Variants in USP54 observed in about 807,000 individuals in gnomAD.
USP54 encodes the protein ubiquitin specific peptidase 54, also known as ubiquitin carboxyl-terminal hydrolase 54.
A neutral mutation model predicts 170.5 loss-of-function variants in USP54; 87 were observed. The observed-to-expected ratio is 0.51, with a 90% CI of 0.43 to 0.61. The LOEUF is 0.61. USP54 is among the 20% of genes least tolerant of loss of function. The pLI, the probability that USP54 is intolerant of heterozygous loss-of-function variation, is 0.00. For synonymous variants in USP54, 655 were observed against 742.8 expected, an observed-to-expected ratio of 0.88 and a Z score of 1.92; for missense variants, 1,786 against 2,047.8, an observed-to-expected ratio of 0.87 and a Z score of 2.47.
chr10:73,536,397 T>C lies in USP54; in HGVS notation c.1016A>G (p.Lys339Arg). ...KWKDVVTKCIKGHYQPLLLLY... is the reference protein window; with the variant it reads ...KWKDVVTKCIRGHYQPLLLLY... Reference sequence around the variant, plus strand: ...CAGCAGCAGGGGCTGATAATGCCCCTTGATGCATTTGGTCACCACATCCTT... The same window carrying C: ...CAGCAGCAGGGGCTGATAATGCCCCCTGATGCATTTGGTCACCACATCCTT... The change falls in exon 11 of 24, where the codon AAG (lysine) becomes AGG (arginine). Residue 339 changes from lysine to arginine, a missense_variant. By Grantham distance (26) the Lys-to-Arg change is conservative (BLOSUM62 2). Coordinates refer to ENST00000687698, the MANE Select transcript of USP54 (RefSeq NM_001391956.1). 2 of 1,588,112 alleles carry C rather than the reference T, an allele frequency of 1.3e-6. No individual in the cohort carries two copies. The highest frequency in any genetic ancestry group is 1.2e-5 in the South Asian group (1 of 86,404).
chr10:73,619,634 G>A (rs1406198474), intron 1 of USP54, among the ~76,000 whole-genome samples: 1 of 150,436 alleles, frequency 6.6e-6, no homozygotes, highest in East Asian at 1.9e-4. Context: ...TTATAACGCA[G>A]TTGTATTCCT....
At chr10:73,589,266 C>A (rs541817698) in intron 1 of USP54, among the ~76,000 whole-genome samples, 16 of 152,296 alleles carry the variant, frequency 1.1e-4, no homozygotes, top group African/African-American at 3.8e-4. Flanking sequence ...GAATCTCCTG[C>A]CAAAATCATA....
intron 4 of USP54, among the ~76,000 whole-genome samples, chr10:73,567,431 G>A (rs2074100282): frequency 6.6e-6 from 1 of 152,128 alleles, no homozygotes; most frequent in Non-Finnish European, 1.5e-5. Context: ...AGCACTTTGG[G>A]AGGCCAAGGA....
At chr10:73,527,997 G>A (rs945503695) in intron 15 of USP54, among the ~76,000 whole-genome samples, 18 of 152,050 alleles carry the variant, frequency 1.2e-4, no homozygotes, top group Admixed American at 4.6e-4. Context: ...GTGCAGTGAC[G>A]TGATCTTGGC....
intron 15 of USP54, 110 bp downstream of exon 15, chr10:73,529,570 A>G (rs138710309): frequency 2.5e-6 from 3 of 1,212,174 alleles, no homozygotes; most frequent in Non-Finnish European, 3.7e-6. Context: ...GCACATAGAG[A>G]TAATAGCAAA....
intron 7 of USP54, chr10:73,542,006 GAAC>G (rs1343175548): frequency 2.3e-6 from 1 of 438,056 alleles, no homozygotes; most frequent in Non-Finnish European, 4.1e-6. Flanking sequence ...GAAAGAAGGA[GAAC>G]AAAAATTATT....
intron 4 of USP54, among the ~76,000 whole-genome samples, chr10:73,559,727 C>CAA (rs376045597): frequency 1.9e-3 from 222 of 117,666 alleles, no homozygotes; most frequent in Non-Finnish European, 3.1e-3. Context: ...GACTCCATCT[C>CAA]AAAAAAAAAA....
intron 1 of USP54, among the ~76,000 whole-genome samples, chr10:73,604,978 A>T (rs2079503579): frequency 6.6e-6 from 1 of 152,142 alleles, no homozygotes; most frequent in African/African-American, 2.4e-5. Flanking sequence ...CGTCCTGCTG[A>T]TCGGTCCATT....
chr10:73,574,437 T>C (rs898858196), intron 3 of USP54, among the ~76,000 whole-genome samples: 3 of 152,118 alleles, frequency 2.0e-5, no homozygotes, highest in African/African-American at 7.2e-5. Context: ...GTGGAAAGAA[T>C]TTTGCTTCTA....
rs1328500219 is a variant in USP54, at chr10:73,536,387, A to G, written c.1026T>C (p.Tyr342=). 1 of 1,602,226 alleles carries G rather than the reference A, an allele frequency of 6.2e-7. No individual in the cohort carries two copies. Among genetic ancestry groups the G allele is most frequent in the African/African-American group, 1.3e-5 (1 of 74,572 alleles). The part of the protein sequence containing the change: ...DVVTKCIKGH[Y]QPLLLLYADP... ...CTGCATAAAGCAGCAGCAGGGGCTG[A>G]TAATGCCCCTTGATGCATTTGGTCA... Residue 342 remains tyrosine, a synonymous_variant, in exon 11 of 24, where the codon TAT becomes TAC. Coordinates refer to ENST00000687698, the MANE Select transcript of USP54 (RefSeq NM_001391956.1).
At chr10:73,620,089 G>C (rs1033277005) in intron 1 of USP54, among the ~76,000 whole-genome samples, 1 of 150,002 alleles carries the variant, frequency 6.7e-6, no homozygotes, top group Non-Finnish European at 1.5e-5. Flanking sequence ...AAGGTGGGCA[G>C]ATCACTTGAG....
chr10:73,577,685 C>G (rs756926206), intron 1 of USP54, among the ~76,000 whole-genome samples: 13 of 152,278 alleles, frequency 8.5e-5, no homozygotes, highest in Middle Eastern at 3.4e-3. Flanking sequence ...TGGTAAGTGG[C>G]AGATCTAGAA....
chr10:73,525,638 T>C (rs997261330), intron 16 of USP54, among the ~76,000 whole-genome samples: 12 of 152,188 alleles, frequency 7.9e-5, no homozygotes, highest in African/African-American at 2.9e-4. Flanking sequence ...TAAATTAAAA[T>C]GTGGGGAATA....
Position 73,500,645 on chromosome 10 carries a change from G to A in USP54, c.4495+10C>T. ...ATTCTGGCATATAATATTAGATTTG[G>A]GGGAGTTACCTGGGAGTCTATTGGG... On this transcript the variant is annotated intron_variant, in intron 23 of 23. Coordinates refer to ENST00000687698, the MANE Select transcript of USP54 (RefSeq NM_001391956.1). 6.3e-7 allele frequency: 1 copy of A among 1,585,196 alleles called. No individual in the cohort carries two copies. Among genetic ancestry groups the A allele is most frequent in the Non-Finnish European group, 8.6e-7 (1 of 1,168,142 alleles).
intron 9 of USP54, among the ~76,000 whole-genome samples, chr10:73,541,037 C>G (rs1330910892): frequency 6.6e-6 from 1 of 152,170 alleles, no homozygotes; most frequent in Non-Finnish European, 1.5e-5. Context: ...TGGTTGAACA[C>G]CCTTCCCTAC....
At chr10:73,513,868 G>A (rs576761887) in intron 20 of USP54, among the ~76,000 whole-genome samples, 1 of 152,164 alleles carries the variant, frequency 6.6e-6, no homozygotes, top group Non-Finnish European at 1.5e-5. Flanking sequence ...AGGTTAGAAT[G>A]CAGTGGCACA....
chr10:73,616,638 A>T (rs995809738), intron 1 of USP54, among the ~76,000 whole-genome samples: 1 of 150,190 alleles, frequency 6.7e-6, no homozygotes, highest in Non-Finnish European at 1.5e-5. Flanking sequence ...GTATCCAGGA[A>T]CTTAAAATTA....
At chr10:73,538,670 G>A (rs1253519464) in intron 10 of USP54, among the ~76,000 whole-genome samples, 1 of 152,002 alleles carries the variant, frequency 6.6e-6, no homozygotes, top group Admixed American at 6.6e-5. Flanking sequence ...AACTAGCTGG[G>A]TGTGGTGGCC....
At chr10:73,545,266 G>T (rs1216643912) in intron 5 of USP54, among the ~76,000 whole-genome samples, 1 of 152,060 alleles carries the variant, frequency 6.6e-6, no homozygotes, top group African/African-American at 2.4e-5. Flanking sequence ...AAGCTCTGGG[G>T]GTACAATCTG....
Sources: gnomAD v4.1 joint callset for allele counts (sites outside exome capture counted in the v4.1 genomes callset) on GRCh38, gnomAD v4.1.1 for gene constraint, MANE v1.5 for transcripts, NCBI Gene and HGNC (gene_info 2026-07-23, HGNC 2026-07-21) for gene names.